The following PCDH15 variants were observed in gnomAD, a reference collection of about 807,000 sequenced individuals.
PCDH15 encodes the protein protocadherin-15.
In PCDH15, 129 loss-of-function variants were observed where a neutral mutation model predicts 178.5. The observed-to-expected ratio is 0.72, with a 90% CI of 0.63 to 0.84. The LOEUF (loss-of-function observed/expected upper bound fraction) is 0.84, where lower values mean the gene tolerates loss of function less well. Among genes scored for constraint, PCDH15 ranks in the 40% least tolerant of loss-of-function variants. PCDH15 has a pLI of 0.00. For missense variants in PCDH15, 2,230 were observed against 2,099.9 expected, an observed-to-expected ratio of 1.06 and a Z score of -1.21; for synonymous variants, 800 against 732.0, an observed-to-expected ratio of 1.09 and a Z score of -1.50.
intron 2 of PCDH15, among the ~76,000 whole-genome samples, chr10:55,144,994 T>C (rs1406411047): frequency 3.3e-5 from 5 of 152,030 alleles, no homozygotes; most frequent in African/African-American, 1.2e-4. Context: ...GCATTTGGAT[T>C]ATAACTACAG....
intron 2 of PCDH15, among the ~76,000 whole-genome samples, chr10:54,937,697 A>T (rs577571920): frequency 6.6e-6 from 1 of 152,124 alleles, no homozygotes; most frequent in East Asian, 1.9e-4. Context: ...CTTAATTATC[A>T]CTTTTAGTAA....
intron 2 of PCDH15, among the ~76,000 whole-genome samples, chr10:54,598,782 G>A (rs1226992203): frequency 6.6e-6 from 1 of 151,944 alleles, no homozygotes. Context: ...AAGTATCAAG[G>A]TATAAAAATC....
intron 2 of PCDH15, among the ~76,000 whole-genome samples, chr10:55,422,154 T>C (rs1225797908): frequency 2.7e-5 from 4 of 150,772 alleles, no homozygotes; most frequent in South Asian, 4.1e-4. Context: ...CAACCACCAA[T>C]CTAAAAACTG....
intron 3 of PCDH15, among the ~76,000 whole-genome samples, chr10:54,426,353 T>C (rs1956266904): frequency 6.6e-6 from 1 of 152,150 alleles, no homozygotes; most frequent in Admixed American, 6.5e-5. Context: ...CATCAAGCAT[T>C]ACACTCTCAT....
chr10:53,989,010 AAAAACT>A (rs1693112496), intron 21 of PCDH15, among the ~76,000 whole-genome samples: 1 of 152,210 alleles, frequency 6.6e-6, no homozygotes, highest in Admixed American at 6.5e-5. Context: ...TGTGATGTGC[AAAAACT>A]AAAACTGAGA....
In PCDH15 at chr10:53,966,284, CATTTT is replaced by C. The variant is rs538180471; in HGVS notation, c.2869-4397_2869-4393del. ...TTTTATCACCCTTGTTATCAAAGCA[CATTTT>C]ATTTTATATCACATATTATGATAAC... On this transcript the variant is annotated intron_variant, in intron 21 of 37. Transcript: ENST00000644397. Among the ~76,000 whole-genome samples the C allele has an allele frequency of 4.5e-3, 681 of 152,242 alleles. 4 individuals carry two copies. The highest frequency in any genetic ancestry group is 0.016 in the African/African-American group (657 of 41,550).
At chr10:53,937,858 G>T (rs16937840) in intron 25 of PCDH15, among the ~76,000 whole-genome samples, 1 of 151,750 alleles carries the variant, frequency 6.6e-6, no homozygotes, top group South Asian at 2.1e-4. Flanking sequence ...TTCTAAGAAC[G>T]CTCGCTTGCT....
chr10:55,247,051 C>T (rs550942738), intron 1 of PCDH15, among the ~76,000 whole-genome samples: 2 of 152,102 alleles, frequency 1.3e-5, no homozygotes, highest in South Asian at 2.1e-4. Flanking sequence ...TCATACCTAC[C>T]CCACATATTT....
intron 2 of PCDH15, among the ~76,000 whole-genome samples, chr10:55,434,638 C>T (rs1361465408): frequency 6.7e-6 from 1 of 149,752 alleles, no homozygotes; most frequent in African/African-American, 2.5e-5. Flanking sequence ...CAGAGTCTTG[C>T]TCTGTTGCCC....
intron 17 of PCDH15, among the ~76,000 whole-genome samples, chr10:54,077,342 C>T (rs2094359479): frequency 6.6e-6 from 1 of 152,104 alleles, no homozygotes; most frequent in Admixed American, 6.5e-5. Flanking sequence ...AACAAAACTA[C>T]TGATTTTAGC....
At chr10:55,227,420 CAGAT>C (rs1329068434) in intron 1 of PCDH15, among the ~76,000 whole-genome samples, 1 of 145,370 alleles carries the variant, frequency 6.9e-6, no homozygotes, top group Non-Finnish European at 1.5e-5. Context: ...AATGGGGAAA[CAGAT>C]AGTCCAACAC....
chr10:55,168,661 A>C (rs1839255905), intron 1 of PCDH15, among the ~76,000 whole-genome samples: 1 of 152,238 alleles, frequency 6.6e-6, no homozygotes, highest in South Asian at 2.1e-4. Context: ...ATTTCATAAA[A>C]TATAGCAGAA....
intron 1 of PCDH15, among the ~76,000 whole-genome samples, chr10:55,186,238 T>C (rs1419728910): frequency 2.0e-5 from 3 of 151,628 alleles, no homozygotes; most frequent in African/African-American, 4.8e-5. Context: ...CATAAAAATG[T>C]ACTGGCTAAT....
intron 28 of PCDH15, among the ~76,000 whole-genome samples, chr10:53,841,341 C>T (rs10825121): frequency 0.41 from 62,793 of 151,818 alleles, 16,110 homozygotes; most frequent in East Asian, 0.99. Context: ...TTCTAAAATT[C>T]GTAGACTCAA....
intron 2 of PCDH15, among the ~76,000 whole-genome samples, chr10:54,997,411 TTAAA>T (rs747429587): frequency 1.3e-5 from 2 of 152,304 alleles, no homozygotes; most frequent in Admixed American, 6.5e-5. Flanking sequence ...TAAGTAAATC[TTAAA>T]TAAACAAGCT....
chr10:54,234,528 G>C (rs559659839), intron 9 of PCDH15, among the ~76,000 whole-genome samples: 14 of 152,194 alleles, frequency 9.2e-5, no homozygotes, highest in African/African-American at 3.4e-4. Flanking sequence ...ACTCCAGTGC[G>C]GGTGACAGAG....
intron 25 of PCDH15, among the ~76,000 whole-genome samples, chr10:53,913,778 C>A (rs566192415): frequency 0.012 from 1,759 of 150,630 alleles, 27 homozygotes; most frequent in African/African-American, 0.037. Context: ...CAAAAAAAAA[C>A]AAAGAGCTTC....
At chr10:54,876,611 G>A (rs1954149143) in intron 3 of PCDH15, among the ~76,000 whole-genome samples, 1 of 152,124 alleles carries the variant, frequency 6.6e-6, no homozygotes, top group South Asian at 2.1e-4. Flanking sequence ...ACATTGAACA[G>A]TTCAAAACGT....
chr10:55,526,161 A>G (rs1194644542), intron 2 of PCDH15, among the ~76,000 whole-genome samples: 1 of 151,978 alleles, frequency 6.6e-6, no homozygotes, highest in African/African-American at 2.4e-5. Context: ...CTAATAGACA[A>G]GACAGTGGTT....
Sources: gnomAD v4.1 joint callset for allele counts (sites outside exome capture counted in the v4.1 genomes callset) on GRCh38, gnomAD v4.1.1 for gene constraint, MANE v1.5 for transcripts, NCBI Gene and HGNC (gene_info 2026-07-23, HGNC 2026-07-21) for gene names.